Variants in CELSR3 observed in about 807,000 individuals in gnomAD.
CELSR3 encodes cadherin EGF LAG seven-pass G-type receptor 3, also known as EGF-like protein 1.
Under a neutral mutation model 270.0 loss-of-function variants are expected in CELSR3, and 73 were observed. The observed-to-expected ratio is 0.27, with a 90% CI of 0.22 to 0.33. The LOEUF (loss-of-function observed/expected upper bound fraction) is 0.33. Among genes scored for constraint, CELSR3 ranks in the 10% least tolerant of loss-of-function variants. CELSR3 has a pLI of 1.00. For missense variants in CELSR3, 3,614 were observed against 4,533.8 expected (o/e 0.80, Z 5.83); for synonymous variants, 1,780 against 1,905.4 (o/e 0.93, Z 1.71).
chr3:48,652,031 G>A lies in CELSR3; in HGVS notation c.5769C>T (p.Ser1923=), dbSNP rs748433084. 1.9e-6 allele frequency: 3 copies of A among 1,559,492 alleles called. No homozygotes were observed. Among genetic ancestry groups the A allele is most frequent in the East Asian group, 2.3e-5 (1 of 44,244 alleles). Residue 1923 remains serine (S), a synonymous_variant, in exon 12 of 35, where the codon TCC becomes TCT. Coordinates refer to ENST00000164024, the MANE Select transcript of CELSR3 (RefSeq NM_001407.3). The surrounding 1 kb of genome is among the most constrained non-coding windows in gnomAD (Gnocchi z 4.3). ...GCAGGGCCGGGGAGCCAGAGGGTGT[G>A]GAGCCGAGCCACACCCCCTGTGGAC... ...VGCIQGVWLG[S]TPSGSPALLP...
In CELSR3 at chr3:48,641,803, A is replaced by C. The variant is rs771320228; in HGVS notation, c.8824+48T>G. The stretch of plus-strand genomic sequence containing the variant: ...AAAGATGGGGAGCTGGAGGGATAAC[A>C]AATGGGGCATCCCTTGGTCACCCAA... On this transcript the variant is annotated intron_variant, in intron 32 of 34. Coordinates refer to ENST00000164024, the MANE Select transcript of CELSR3 (RefSeq NM_001407.3). The surrounding 1 kb of genome is among the most constrained non-coding windows in gnomAD (Gnocchi z 4.8). The C allele has an allele frequency of 7.0e-7, 1 of 1,419,672 alleles. No homozygotes were observed. The highest frequency in any genetic ancestry group is 9.3e-7 in the Non-Finnish European group (1 of 1,080,834). The allele number at this position is 1,419,672 out of a possible 1,614,324, so 87.9% of individuals were successfully genotyped here. A position where few individuals can be genotyped will look rare whatever the true frequency, so the allele number is the denominator to read the frequency against.
chr3:48,655,964 G>A lies in CELSR3; in HGVS notation c.4626-113C>T. On this transcript the variant is annotated intron_variant, in intron 3 of 34. Transcript: ENST00000164024. The surrounding 1 kb of genome is among the most constrained non-coding windows in gnomAD (Gnocchi z 5.8). Reference sequence around the variant, plus strand: ...CTGGGGCGAGAGAGGAAGCGACGAGGGACGGCGGGACCGACCGGGGGGACG... The same window carrying A: ...CTGGGGCGAGAGAGGAAGCGACGAGAGACGGCGGGACCGACCGGGGGGACG... 3.5e-6 allele frequency: 4 copies of A among 1,136,404 alleles called. No homozygotes were observed. In the South Asian group the frequency reaches 5.5e-5, roughly 16 times the overall value. 70.4% of individuals were successfully genotyped at this position (1,136,404 alleles called of 1,614,324 possible). A position where few individuals can be genotyped will look rare whatever the true frequency, so the allele number is the denominator to read the frequency against.
At chr3:48,638,372 T>C (rs750435415) in intron 34 of CELSR3, 140 bp from the exon 35 acceptor site, 121 of 685,384 alleles carry the variant, frequency 1.8e-4, no homozygotes, top group Non-Finnish European at 2.7e-4. Context: ...AGCCCCTTCA[T>C]GCCCACTCCA....
In CELSR3 at chr3:48,646,111, A is replaced by G. The variant is rs763395284; in HGVS notation, c.7442T>C (p.Val2481Ala). 14 of 1,612,766 alleles carry G rather than the reference A, an allele frequency of 8.7e-6. No individual in the cohort carries two copies. The highest frequency in any genetic ancestry group is 1.6e-4 in the Middle Eastern group (1 of 6,080). Reference protein sequence around the residue: ...QTANRSKAICVQWDPPGLAEQ... With the variant: ...QTANRSKAICAQWDPPGLAEQ... ...TCACAGGCCAGGTGGGTCCCACTGC[A>G]CACAGATCGCCTTGCTCCGATTCGC... The change falls in exon 22 of 35, where the codon GTG becomes GCG. Residue 2481 changes from valine to alanine, a missense_variant. Transcript: ENST00000164024. The surrounding 1 kb of genome is among the most constrained non-coding windows in gnomAD (Gnocchi z 4.8).
Position 48,648,248 on chromosome 3 carries a change from A to AACCCCC in CELSR3, c.6973+17_6973+18insGGGGGT. 2 of 975,228 alleles carry AACCCCC rather than the reference A, an allele frequency of 2.1e-6. No individual in the cohort carries two copies. The highest frequency in any genetic ancestry group is 3.1e-6 in the Non-Finnish European group (2 of 653,524). 60.4% of individuals were successfully genotyped at this position (975,228 alleles called of 1,614,324 possible). A position where few individuals can be genotyped will look rare whatever the true frequency, so the allele number is the denominator to read the frequency against. ...TGGCCCCCCTGCTGTGCCCCGCCCT[A>AACCCCC]CCCCACCCACAACGCACTGATATTA... On this transcript the variant is annotated intron_variant, in intron 19 of 34. Coordinates refer to ENST00000164024, the MANE Select transcript of CELSR3 (RefSeq NM_001407.3).
Position 48,644,136 on chromosome 3 carries a change from G to A in CELSR3, c.8165+80C>T, listed in dbSNP as rs1251506573. On this transcript the variant is annotated intron_variant, in intron 27 of 34. Transcript: ENST00000164024. The surrounding 1 kb of genome is among the most constrained non-coding windows in gnomAD (Gnocchi z 4.8). ...AACTTGGAGCCCAACCTGCACCAGG[G>A]AAGATCTGGGGGCCCCAGACCCCAC... 1.7e-6 allele frequency: 2 copies of A among 1,189,366 alleles called. No individual in the cohort carries two copies. Among genetic ancestry groups the A allele is most frequent in the Non-Finnish European group, 2.5e-6 (2 of 814,842 alleles). 73.7% of individuals were successfully genotyped at this position (1,189,366 alleles called of 1,614,324 possible).
Position 48,653,653 on chromosome 3 carries a change from A to G in CELSR3, c.5414T>C (p.Val1805Ala). The G allele has an allele frequency of 1.2e-6, 2 of 1,614,114 alleles. No homozygotes were observed. Among genetic ancestry groups the G allele is most frequent in the Non-Finnish European group, 1.7e-6 (2 of 1,180,014 alleles). ...GAGCGTGCTGTGTGGCCCAGCCTGC[A>G]CTTGCATCAGGACCCCCTGCGTTGC... is the stretch of plus-strand genomic sequence containing the variant. ...TRATQGVLMQVQAGPHSTLLC... is the reference protein window; with the variant it reads ...TRATQGVLMQAQAGPHSTLLC... Residue 1805 changes from valine to alanine, a missense_variant, in exon 9 of 35, where the codon GTG becomes GCG. By Grantham distance (64) the Val-to-Ala change is moderately conservative. Coordinates refer to ENST00000164024, the MANE Select transcript of CELSR3 (RefSeq NM_001407.3). The surrounding 1 kb of genome is among the most constrained non-coding windows in gnomAD (Gnocchi z 6.5).
In CELSR3 at chr3:48,652,917, G is replaced by C. The variant is rs2047149752; in HGVS notation, c.5634+85C>G. On this transcript the variant is annotated intron_variant, in intron 10 of 34. Transcript: ENST00000164024. This position sits in a 1 kb window ranked among gnomAD's most constrained non-coding sequence, Gnocchi z 4.3. ...GACTCAGTGCAGTGGAGGGAACTGA[G>C]AGGAGCTGGACTAGAGGTGGGGTCA... 1 of 1,122,450 alleles carries C rather than the reference G, an allele frequency of 8.9e-7. No homozygotes were observed. The highest frequency in any genetic ancestry group is 1.5e-5 in the African/African-American group (1 of 65,258). The allele number at this position is 1,122,450 out of a possible 1,614,324, so 69.5% of individuals were successfully genotyped here. A position where few individuals can be genotyped will look rare whatever the true frequency, so the allele number is the denominator to read the frequency against.
Position 48,652,866 on chromosome 3 carries a change from G to A in CELSR3, c.5634+136C>T. 1.2e-6 allele frequency: 1 copy of A among 801,706 alleles called. No individual in the cohort carries two copies. The highest frequency in any genetic ancestry group is 2.1e-6 in the Non-Finnish European group (1 of 485,174). The allele number at this position is 801,706 out of a possible 1,614,324, so 49.7% of individuals were successfully genotyped here. A position where few individuals can be genotyped will look rare whatever the true frequency, so the allele number is the denominator to read the frequency against. On this transcript the variant is annotated intron_variant, in intron 10 of 34. Transcript: ENST00000164024. This position sits in a 1 kb window ranked among gnomAD's most constrained non-coding sequence, Gnocchi z 4.3. ...GGGTGGGCTCAGTGCAAGGATATAT[G>A]GTGGGGAACTAGGGGTAGAACATCA...
At position 48,655,508 on chromosome 3, in the gene CELSR3, C is replaced by T. The variant is rs2047172856; in HGVS notation, c.4742-114G>A. On this transcript the variant is annotated intron_variant, in intron 4 of 34. Coordinates refer to ENST00000164024, the MANE Select transcript of CELSR3 (RefSeq NM_001407.3). This position sits in a 1 kb window ranked among gnomAD's most constrained non-coding sequence, Gnocchi z 5.8. Reference sequence around the variant, plus strand: ...CCTGGATGCATCAGATCAGTCCCCCCACTGGTGACCACAATGGCTGGCTCA... The same window carrying T: ...CCTGGATGCATCAGATCAGTCCCCCTACTGGTGACCACAATGGCTGGCTCA... 2 of 1,061,020 alleles carry T rather than the reference C, an allele frequency of 1.9e-6. No individual in the cohort carries two copies. The highest frequency in any genetic ancestry group is 2.5e-5 in the East Asian group (1 of 40,000). 65.7% of individuals were successfully genotyped at this position (1,061,020 alleles called of 1,614,324 possible).
In CELSR3 at chr3:48,640,304, C is replaced by A; in HGVS notation, c.9281G>T (p.Arg3094Leu). 6.2e-7 allele frequency: 1 copy of A among 1,612,802 alleles called. No individual in the cohort carries two copies. The highest frequency in any genetic ancestry group is 8.5e-7 in the Non-Finnish European group (1 of 1,179,952). Residue 3094 changes from arginine to leucine, a missense_variant, in exon 34 of 35, where the codon CGT (arginine) becomes CTT (leucine). Around this residue, in one of 7 missense-constraint regions of CELSR3, gnomAD observed 1,240 missense variants for 1,351.7 expected, o/e 0.92. Coordinates refer to ENST00000164024, the MANE Select transcript of CELSR3 (RefSeq NM_001407.3). The surrounding 1 kb of genome is among the most constrained non-coding windows in gnomAD (Gnocchi z 7.5). ...RLEEAPAPVL[R>L]PLSRPGSQEC... ...CTGGGACCCTGGCCGGCTCAGGGGA[C>A]GTAGAACAGGGGCAGGGGCTTCCTC...
Position 48,641,786 on chromosome 3 carries a change from G to T in CELSR3, c.8824+65C>A. The T allele has an allele frequency of 7.2e-7, 1 of 1,385,392 alleles. No homozygotes were observed. Among genetic ancestry groups the T allele is most frequent in the Non-Finnish European group, 9.5e-7 (1 of 1,051,352 alleles). 85.8% of individuals were successfully genotyped at this position (1,385,392 alleles called of 1,614,324 possible). ...TGAACCCCAACCGCAGGAAAGATGG[G>T]GAGCTGGAGGGATAACAAATGGGGC... On this transcript the variant is annotated intron_variant, in intron 32 of 34. Transcript: ENST00000164024. This position sits in a 1 kb window ranked among gnomAD's most constrained non-coding sequence, Gnocchi z 4.8.
chr3:48,658,344 C>T lies in CELSR3; in HGVS notation c.3748+543G>A, dbSNP rs2077039278. 6.6e-6 allele frequency among the ~76,000 whole-genome samples: 1 copy of T among 152,192 alleles called. No homozygotes were observed. Among genetic ancestry groups the T allele is most frequent in the African/African-American group, 2.4e-5 (1 of 41,438 alleles). On this transcript the variant is annotated intron_variant, in intron 1 of 34. Transcript: ENST00000164024. This position sits in a 1 kb window ranked among gnomAD's most constrained non-coding sequence, Gnocchi z 4.7. The stretch of plus-strand genomic sequence containing the variant: ...TTCTGAAAGACTGGAGCAGATGGGG[C>T]AGGAAAGAGGCAAGTGGACCTCTGG...
At position 48,655,795 on chromosome 3, in the gene CELSR3, T is replaced by C; in HGVS notation, c.4682A>G (p.Lys1561Arg). Residue 1561 changes from lysine to arginine, a missense_variant, in exon 4 of 35, where the codon AAG (lysine) becomes AGG (arginine). Transcript: ENST00000164024. This position sits in a 1 kb window ranked among gnomAD's most constrained non-coding sequence, Gnocchi z 5.8. The part of the protein sequence containing the change: ...LLFYNGRLNE[K>R]HDFLALELVA... The stretch of plus-strand genomic sequence containing the variant: ...GAGTTCCAGGGCCAGGAAGTCGTGC[T>C]TCTCGTTCAGGCGCCCGTTGTAGAA... 3.1e-6 allele frequency: 5 copies of C among 1,613,260 alleles called. No homozygotes were observed. The highest frequency in any genetic ancestry group is 4.2e-6 in the Non-Finnish European group (5 of 1,179,714).
At position 48,661,420 on chromosome 3, in the gene CELSR3, C is replaced by G. The variant is rs757646510; in HGVS notation, c.1215G>C (p.Ala405=). The G allele has an allele frequency of 5.6e-6, 9 of 1,611,856 alleles. No individual in the cohort carries two copies. Among genetic ancestry groups the G allele is most frequent in the Non-Finnish European group, 7.6e-6 (9 of 1,179,664 alleles). The change falls in exon 1 of 35, where the codon GCG becomes GCC. Residue 405 remains alanine, a synonymous_variant. Transcript: ENST00000164024. The part of the protein sequence containing the change: ...SMERHYLRVT[A]QDHGSPRLSA... Reference sequence around the variant, plus strand: ...AGAGGCGCGGCGACCCGTGGTCCTGCGCGGTCACACGCAGGTAGTGACGCT... The same window carrying G: ...AGAGGCGCGGCGACCCGTGGTCCTGGGCGGTCACACGCAGGTAGTGACGCT...
Position 48,654,785 on chromosome 3 carries a change from T to C in CELSR3, c.4988+259A>G, listed in dbSNP as rs1159419965. On this transcript the variant is annotated intron_variant, in intron 6 of 34. Transcript: ENST00000164024. This position sits in a 1 kb window ranked among gnomAD's most constrained non-coding sequence, Gnocchi z 5.4. Reference sequence around the variant, plus strand: ...GGGACTCGGAGGGGATGTGGGACATTAGTGAGACTGGGGTGGGGAGGTGGA... The same window carrying C: ...GGGACTCGGAGGGGATGTGGGACATCAGTGAGACTGGGGTGGGGAGGTGGA... Among the ~76,000 whole-genome samples the C allele has an allele frequency of 1.3e-5, 2 of 151,046 alleles. No homozygotes were observed. The highest frequency in any genetic ancestry group is 4.9e-5 in the African/African-American group (2 of 41,000).
In CELSR3 at chr3:48,656,390, G is replaced by C. The variant is rs2077022404; in HGVS notation, c.4400-25C>G. The stretch of plus-strand genomic sequence containing the variant: ...CCTGGGGGCCAAGCCGCGGTCAGAG[G>C]CGGTCACGCCCACGCCCGCCCCTGC... On this transcript the variant is annotated intron_variant, in intron 2 of 34. Transcript: ENST00000164024. The C allele has an allele frequency of 2.1e-6, 3 of 1,396,520 alleles. No homozygotes were observed. The Admixed American group carries it at 1.1e-4, about 50-fold the overall frequency. 86.5% of individuals were successfully genotyped at this position (1,396,520 alleles called of 1,614,324 possible).
chr3:48,640,734 A>T lies in CELSR3; in HGVS notation c.9026-175T>A, dbSNP rs768571549. ...GGTGGTCCCAGAGAGGCAGCAGGAC[A>T]GGGGTCAGAGTGGAAGGGCAGTCAT... On this transcript the variant is annotated intron_variant, in intron 33 of 34. Transcript: ENST00000164024. The surrounding 1 kb of genome is among the most constrained non-coding windows in gnomAD (Gnocchi z 7.5). 3.1e-5 allele frequency: 14 copies of T among 457,290 alleles called. No individual in the cohort carries two copies. Among genetic ancestry groups the T allele is most frequent in the Non-Finnish European group, 4.8e-5 (13 of 271,146 alleles). The allele number at this position is 457,290 out of a possible 1,614,324, so 28.3% of individuals were successfully genotyped here. A position where few individuals can be genotyped will look rare whatever the true frequency, so the allele number is the denominator to read the frequency against.
Position 48,646,204 on chromosome 3 carries a change from T to C in CELSR3, c.7349A>G (p.His2450Arg). The change falls in exon 22 of 35, where the codon CAC (histidine) becomes CGC (arginine). Residue 2450 changes from histidine (H) to arginine (R), a missense_variant. Around this residue, in one of 7 missense-constraint regions of CELSR3, gnomAD observed 1,240 missense variants for 1,351.7 expected, o/e 0.92. Transcript: ENST00000164024. This position sits in a 1 kb window ranked among gnomAD's most constrained non-coding sequence, Gnocchi z 4.8. ...GATTCCCCTTAGGAAGTTGCGTCCG[T>C]GGAACACAGCCACGCTGACCACCGG... ...NSPVVSVAVF[H>R]GRNFLRGILE... 1 of 1,612,782 alleles carries C rather than the reference T, an allele frequency of 6.2e-7. No individual in the cohort carries two copies. Among genetic ancestry groups the C allele is most frequent in the Non-Finnish European group, 8.5e-7 (1 of 1,179,936 alleles).
Sources: gnomAD v4.1 joint callset for allele counts (sites outside exome capture counted in the v4.1 genomes callset) on GRCh38, gnomAD v4.1.1 for gene constraint, gnomAD v4.1.1 regional missense constraint, Gnocchi (gnomAD v3.1) non-coding constraint, MANE v1.5 for transcripts, NCBI Gene and HGNC (gene_info 2026-07-23, HGNC 2026-07-21) for gene names.